NEGR1: variants seen among roughly 807,000 people sequenced by gnomAD.
NEGR1 encodes IgLON family member 4.
In NEGR1, 10 loss-of-function variants were observed where a neutral mutation model predicts 40.9. That is an observed-to-expected ratio of 0.24 (90% confidence interval 0.15 to 0.42). The LOEUF (loss-of-function observed/expected upper bound fraction) is 0.42. Among genes scored for constraint, NEGR1 ranks in the 10% least tolerant of loss-of-function variants. The pLI, the probability that NEGR1 is intolerant of heterozygous loss-of-function variation, is 1.00. For synonymous variants in NEGR1, 185 were observed against 166.8 expected, an observed-to-expected ratio of 1.11 and a Z score of -0.84; for missense variants, 352 against 438.9, an observed-to-expected ratio of 0.80 and a Z score of 1.77.
chr1:71,430,961 G>A (rs1272259145), intron 6 of NEGR1, among the ~76,000 whole-genome samples: 1 of 151,812 alleles, frequency 6.6e-6, no homozygotes, highest in Non-Finnish European at 1.5e-5. Flanking sequence ...GGGTTTCACC[G>A]TGGTCTCGAT....
chr1:72,166,218 T>C (rs1355723212), intron 1 of NEGR1, among the ~76,000 whole-genome samples: 1 of 151,966 alleles, frequency 6.6e-6, no homozygotes, highest in Non-Finnish European at 1.5e-5. Context: ...TACTGCCAAG[T>C]TTCAGGTTAA....
chr1:72,216,270 C>A (rs1653804164), intron 1 of NEGR1, among the ~76,000 whole-genome samples: 1 of 150,356 alleles, frequency 6.7e-6, no homozygotes, highest in Admixed American at 6.7e-5. Flanking sequence ...GGGCTTAAAA[C>A]CTAGATGATG....
At position 71,592,963 on chromosome 1, in the gene NEGR1, A is replaced by T. The variant is rs1441737600; in HGVS notation, c.794T>A (p.Phe265Tyr). ...AATAATAATTCCTTGTTGGCCATTG[A>T]AGAGCCTAGAAGACAAAATAAGCTC... ...FEWYKGEKKL[F>Y]NGQQGIIIQN... The change falls in exon 6 of 7, where the codon TTC becomes TAC. Residue 265 changes from phenylalanine to tyrosine, a missense_variant. By Grantham distance (22) the Phe-to-Tyr change is conservative. This residue lies in a region of NEGR1 where 184 missense variants were observed against 208.7 expected (regional missense o/e 0.88). Transcript: ENST00000357731. The T allele has an allele frequency of 1.2e-6, 2 of 1,607,224 alleles. No homozygotes were observed. The highest frequency in any genetic ancestry group is 1.7e-6 in the Non-Finnish European group (2 of 1,174,194).
chr1:71,511,337 T>C (rs1647071858), intron 6 of NEGR1, among the ~76,000 whole-genome samples: 1 of 152,226 alleles, frequency 6.6e-6, no homozygotes, highest in South Asian at 2.1e-4. Context: ...TAAATTGAGT[T>C]TTTAAGACAG....
intron 4 of NEGR1, among the ~76,000 whole-genome samples, chr1:71,673,519 A>G (rs543126695): frequency 1.8e-4 from 28 of 152,266 alleles, no homozygotes; most frequent in African/African-American, 6.7e-4. Flanking sequence ...TTACTCTAAT[A>G]AAGCATTATA....
At chr1:71,663,149 G>C (rs563824819) in intron 4 of NEGR1, among the ~76,000 whole-genome samples, 235 of 151,812 alleles carry the variant, frequency 1.5e-3, no homozygotes, top group Non-Finnish European at 2.7e-3. Flanking sequence ...AGTAGAGATG[G>C]GTTTTCACCG....
chr1:72,227,887 G>T (rs1047119786), intron 1 of NEGR1, among the ~76,000 whole-genome samples: 5 of 152,088 alleles, frequency 3.3e-5, no homozygotes, highest in Non-Finnish European at 7.4e-5. Flanking sequence ...GAGCCAGACT[G>T]CCTGAAATAG....
At chr1:72,034,682 C>T (rs1434378361) in intron 1 of NEGR1, among the ~76,000 whole-genome samples, 1 of 152,104 alleles carries the variant, frequency 6.6e-6, no homozygotes, top group African/African-American at 2.4e-5. Flanking sequence ...ATTCTCTGAA[C>T]CTTATTGCAG....
At chr1:71,738,270 A>C (rs1306622871) in intron 3 of NEGR1, 1 of 236,990 alleles carries the variant, frequency 4.2e-6, no homozygotes, top group Non-Finnish European at 9.1e-6. Flanking sequence ...CAGCCCTGAC[A>C]GATGTCATCA....
intron 4 of NEGR1, among the ~76,000 whole-genome samples, chr1:71,664,096 G>T (rs1000887576): frequency 6.6e-6 from 1 of 152,144 alleles, no homozygotes; most frequent in African/African-American, 2.4e-5. Flanking sequence ...TCCTTTTTGT[G>T]TGTGATTTAA....
intron 6 of NEGR1, among the ~76,000 whole-genome samples, chr1:71,476,687 G>A (rs550422787): frequency 3.3e-5 from 5 of 152,152 alleles, no homozygotes; most frequent in Admixed American, 1.3e-4. Flanking sequence ...ACTGAGGTTC[G>A]GGAGAGCTTC....
chr1:71,551,175 A>C (rs1343410556), intron 6 of NEGR1, among the ~76,000 whole-genome samples: 1 of 151,690 alleles, frequency 6.6e-6, no homozygotes, highest in African/African-American at 2.4e-5. Flanking sequence ...TCTTCATTTC[A>C]TCAAAAATGT....
rs145689850 is a variant in NEGR1, at chr1:71,528,134, G to T, written c.940+64683C>A. On this transcript the variant is annotated intron_variant, in intron 6 of 6. Coordinates refer to ENST00000357731, the MANE Select transcript of NEGR1 (RefSeq NM_173808.3). ...ACTAAGCACTCTATTAGATAATAAA[G>T]ATATAGAAATTAAGTCAGTTTTTAC... 7.9e-3 allele frequency among the ~76,000 whole-genome samples: 1,197 copies of T among 151,366 alleles called. 18 individuals carry two copies. Among genetic ancestry groups the T allele is most frequent in the African/African-American group, 0.028 (1,144 of 41,426 alleles).
At chr1:72,223,805 T>C (rs1314309307) in intron 1 of NEGR1, among the ~76,000 whole-genome samples, 2 of 152,186 alleles carry the variant, frequency 1.3e-5, no homozygotes, top group African/African-American at 4.8e-5. Context: ...GATTTTTATG[T>C]ATTCAGTATT....
At chr1:71,776,581 T>TTGTGTTAAGTAAACTAGAATATAATCAA (rs1346014884) in intron 2 of NEGR1, among the ~76,000 whole-genome samples, 2 of 152,188 alleles carry the variant, frequency 1.3e-5, no homozygotes, top group Admixed American at 1.3e-4. Context: ...TATGAGTAAT[T>TTGTGTTAAGTAAACTAGAATATAATCAA]TGTGTTAAGT....
chr1:72,066,342 ACAT>A (rs375496802), intron 1 of NEGR1, among the ~76,000 whole-genome samples: 8 of 152,302 alleles, frequency 5.3e-5, no homozygotes, highest in African/African-American at 1.9e-4. Flanking sequence ...TTTTCTGAGA[ACAT>A]CATAATTGTG....
At chr1:71,447,165 T>C (rs1367434564) in intron 6 of NEGR1, among the ~76,000 whole-genome samples, 3 of 152,312 alleles carry the variant, frequency 2.0e-5, no homozygotes, top group Middle Eastern at 3.4e-3. Flanking sequence ...TAGATTCTCA[T>C]AGGAGCGTGG....
In NEGR1 at chr1:71,961,318, T is replaced by C. The variant is rs74678159; in HGVS notation, c.177-26007A>G. Among the ~76,000 whole-genome samples, 746 of 152,262 alleles carry C rather than the reference T, an allele frequency of 4.9e-3. 5 individuals are homozygous for C. Among genetic ancestry groups the C allele is most frequent in the Admixed American group, 9.0e-3 (137 of 15,286 alleles). On this transcript the variant is annotated intron_variant, in intron 1 of 6. Transcript: ENST00000357731. ...ACTCTGATACATGTTTTATTGAACA[T>C]TATTTATCGCTGGCTTGCAAGCAGG... is the stretch of plus-strand genomic sequence containing the variant.
intron 1 of NEGR1, among the ~76,000 whole-genome samples, chr1:72,231,557 T>C (rs565985233): frequency 6.6e-6 from 1 of 152,298 alleles, no homozygotes; most frequent in South Asian, 2.1e-4. Context: ...AATTTTCTTA[T>C]AATTATTGAT....
Sources: gnomAD v4.1 joint callset for allele counts (sites outside exome capture counted in the v4.1 genomes callset) on GRCh38, gnomAD v4.1.1 for gene constraint, gnomAD v4.1.1 regional missense constraint, MANE v1.5 for transcripts, NCBI Gene and HGNC (gene_info 2026-07-23, HGNC 2026-07-21) for gene names.